The following OR4D9 variants were observed in gnomAD, a reference collection of about 807,000 sequenced individuals.
The protein encoded by OR4D9 is olfactory receptor 4D9.
Under a neutral mutation model 0.8 loss-of-function variants are expected in OR4D9, and 2 were observed. The ratio of observed to expected loss-of-function variants is 2.58; its 90% CI spans 1.06 to 8.13. The LOEUF is 8.13. OR4D9 is among the 30% of genes most tolerant of loss of function. The pLI is 0.04. For synonymous variants in OR4D9, 146 were observed against 151.2 expected, an observed-to-expected ratio of 0.97 and a Z score of 0.25; for missense variants, 399 against 384.7, an observed-to-expected ratio of 1.04 and a Z score of -0.31.
intron 1 of OR4D9, among the ~76,000 whole-genome samples, chr11:59,512,234 T>C (rs1859335853): frequency 6.6e-6 from 1 of 151,334 alleles, no homozygotes; most frequent in Non-Finnish European, 1.5e-5. Context: ...GCAGGCTCTG[T>C]CCAAGATACT....
intron 1 of OR4D9, among the ~76,000 whole-genome samples, chr11:59,513,088 T>C (rs1370030422): frequency 1.3e-5 from 2 of 152,150 alleles, no homozygotes; most frequent in African/African-American, 4.8e-5. Flanking sequence ...TGAATTTTTT[T>C]TTTTTGAGAT....
Position 59,515,297 on chromosome 11 carries a change from C to T in OR4D9, c.385C>T (p.Pro129Ser), listed in dbSNP as rs569397866. 6.8e-6 allele frequency: 11 copies of T among 1,612,656 alleles called. No homozygotes were observed. Among genetic ancestry groups the T allele is most frequent in the African/African-American group, 5.3e-5 (4 of 74,798 alleles). ...TGACCGCTATATAGCCATCTCCAAG[C>T]CCCTGCACTATATGACCATCATGAG... ...AFDRYIAISK[P>S]LHYMTIMSRG... Residue 129 changes from proline (P) to serine (S), a missense_variant, in exon 3 of 3, where the codon CCC (proline) becomes TCC (serine). Coordinates refer to ENST00000641962, the MANE Select transcript of OR4D9 (RefSeq NM_001004711.2).
In OR4D9 at chr11:59,514,974, G is replaced by A. The variant is rs765716038; in HGVS notation, c.62G>A (p.Arg21Gln). ...EFTFLGITQSRELSQVLFTFL... is the reference protein window; with the variant it reads ...EFTFLGITQSQELSQVLFTFL... ...ACCTTCCTGGGAATTACTCAGTCCC[G>A]AGAACTGAGCCAGGTCTTATTTACC... Residue 21 changes from arginine to glutamine, a missense_variant, in exon 3 of 3, where the codon CGA becomes CAA. Transcript: ENST00000641962. 1.1e-5 allele frequency: 17 copies of A among 1,613,776 alleles called. No individual in the cohort carries two copies. Among genetic ancestry groups the A allele is most frequent in the East Asian group, 4.5e-5 (2 of 44,894 alleles).
At chr11:59,513,087 T>C (rs534525916) in intron 1 of OR4D9, among the ~76,000 whole-genome samples, 1 of 152,266 alleles carries the variant, frequency 6.6e-6, no homozygotes, top group South Asian at 2.1e-4. Context: ...ATGAATTTTT[T>C]TTTTTTGAGA....
rs778777047 is a variant in OR4D9, at chr11:59,515,835, CA to C, written c.924del (p.Glu309LysfsTer4). The C allele has an allele frequency of 1.5e-5, 24 of 1,611,716 alleles. No individual in the cohort carries two copies. The highest frequency in any genetic ancestry group is 2.0e-5 in the Non-Finnish European group (24 of 1,178,292). On this transcript the variant is annotated frameshift_variant, in exon 3 of 3. Coordinates refer to ENST00000641962, the MANE Select transcript of OR4D9 (RefSeq NM_001004711.2). LOFTEE classifies it low-confidence loss of function (END_TRUNC). ...MRKLKRRLGQ[S>X]ERILIQ ...AAACTGAAGAGACGGCTAGGACAAT[CA>C]GAAAGGATTTTAATTCAATAAGGGT...
intron 1 of OR4D9, among the ~76,000 whole-genome samples, chr11:59,512,622 G>C (rs1426039566): frequency 6.6e-6 from 1 of 150,892 alleles, no homozygotes; most frequent in African/African-American, 2.4e-5. Context: ...CCAGGAGTTT[G>C]AGACCAGCCT....
intron 1 of OR4D9, among the ~76,000 whole-genome samples, chr11:59,514,373 G>A (rs1859371827): frequency 6.6e-6 from 1 of 152,258 alleles, no homozygotes; most frequent in African/African-American, 2.4e-5. Context: ...TTGGCATTTG[G>A]ATATGCCTTT....
In OR4D9 at chr11:59,520,583, A is replaced by T. The variant is rs1590639263; in HGVS notation, c.*4726A>T. ...TATGTAACTAACCTGCACATTGTGCACATGTACCCTAAAACTTAAAGTATA... is the reference window on the plus strand; with the variant it reads ...TATGTAACTAACCTGCACATTGTGCTCATGTACCCTAAAACTTAAAGTATA... On this transcript the variant is annotated 3_prime_UTR_variant, in exon 3 of 3. Coordinates refer to ENST00000641962, the MANE Select transcript of OR4D9 (RefSeq NM_001004711.2). The T allele has an allele frequency of 6.6e-6, 1 of 152,222 alleles. No individual in the cohort carries two copies. The highest frequency in any genetic ancestry group is 3.4e-3 in the Middle Eastern group (1 of 294). 9.4% of individuals were successfully genotyped at this position (152,222 alleles called of 1,614,324 possible). A position where few individuals can be genotyped will look rare whatever the true frequency, so the allele number is the denominator to read the frequency against.
Position 59,515,208 on chromosome 11 carries a change from C to G in OR4D9, c.296C>G (p.Thr99Ser), listed in dbSNP as rs767802892. The G allele has an allele frequency of 1.2e-6, 2 of 1,614,160 alleles. No individual in the cohort carries two copies. Among genetic ancestry groups the G allele is most frequent in the Non-Finnish European group, 1.7e-6 (2 of 1,180,040 alleles). The change falls in exon 3 of 3, where the codon ACT becomes AGT. Residue 99 changes from threonine (T) to serine (S), a missense_variant. Physicochemically the swap from Thr to Ser is moderately conservative, Grantham distance 58 (BLOSUM62 1). Transcript: ENST00000641962. ...ACCATCTCCTTCAGTGGCTGTGTCA[C>G]TCAAATGTTCTTCTTCCACCTTCTG... is the stretch of plus-strand genomic sequence containing the variant. ...TKTISFSGCV[T>S]QMFFFHLLGG...
rs193237288 is a variant in OR4D9 at position 59,518,690 on chromosome 11, C to G, written c.*2833C>G. The G allele has an allele frequency of 1.3e-5, 2 of 152,324 alleles. No individual in the cohort carries two copies. The highest frequency in any genetic ancestry group is 4.8e-5 in the African/African-American group (2 of 41,570). 9.4% of individuals were successfully genotyped at this position (152,324 alleles called of 1,614,324 possible). The stretch of plus-strand genomic sequence containing the variant: ...GCATGAGACACCTCACCTGAACATG[C>G]TCATGCTGTCTTATGCTCCACAGTC... On this transcript the variant is annotated 3_prime_UTR_variant, in exon 3 of 3. Transcript: ENST00000641962.
chr11:59,515,336 A>G lies in OR4D9; in HGVS notation c.424A>G (p.Thr142Ala), dbSNP rs1484416220. The G allele has an allele frequency of 9.9e-6, 16 of 1,613,838 alleles. No homozygotes were observed. Among genetic ancestry groups the G allele is most frequent in the Non-Finnish European group, 1.4e-5 (16 of 1,179,912 alleles). The change falls in exon 3 of 3, where the codon ACA (threonine) becomes GCA (alanine). Residue 142 changes from threonine (T) to alanine (A), a missense_variant. Coordinates refer to ENST00000641962, the MANE Select transcript of OR4D9 (RefSeq NM_001004711.2). ...YMTIMSRGRC[T>A]GLIVASWVGG... ...GACCATCATGAGTAGGGGGCGATGC[A>G]CAGGCCTCATCGTGGCTTCCTGGGT...
Position 59,515,504 on chromosome 11 carries a change from C to G in OR4D9, c.592C>G (p.Leu198Val). 1 of 1,614,154 alleles carries G rather than the reference C, an allele frequency of 6.2e-7. No homozygotes were observed. Among genetic ancestry groups the G allele is most frequent in the Non-Finnish European group, 8.5e-7 (1 of 1,180,024 alleles). ...CACTGACACCTTCACTCTGGAGCTC[C>G]TGATGATTTCAAATAATGGGTTAGT... ...ACTDTFTLEL[L>V]MISNNGLVSW... The change falls in exon 3 of 3, where the codon CTG (leucine) becomes GTG (valine). Residue 198 changes from leucine to valine, a missense_variant. Physicochemically the swap from Leu to Val is conservative, Grantham distance 32. Transcript: ENST00000641962.
Position 59,515,347 on chromosome 11 carries a change from C to T in OR4D9, c.435C>T (p.Ile145=), listed in dbSNP as rs1440316852. ...IMSRGRCTGL[I]VASWVGGFVH... Reference sequence around the variant, plus strand: ...GTAGGGGGCGATGCACAGGCCTCATCGTGGCTTCCTGGGTGGGGGGCTTTG... The same window carrying T: ...GTAGGGGGCGATGCACAGGCCTCATTGTGGCTTCCTGGGTGGGGGGCTTTG... Residue 145 remains isoleucine, a synonymous_variant, in exon 3 of 3, where the codon ATC becomes ATT. Transcript: ENST00000641962. 11 of 1,613,836 alleles carry T rather than the reference C, an allele frequency of 6.8e-6. No individual in the cohort carries two copies. Among genetic ancestry groups the T allele is most frequent in the East Asian group, 2.2e-5 (1 of 44,880 alleles).
rs1226242263 is a variant in OR4D9, at chr11:59,516,851, G to T, written c.*994G>T. 6.6e-6 allele frequency: 1 copy of T among 152,192 alleles called. No homozygotes were observed. 9.4% of individuals were successfully genotyped at this position (152,192 alleles called of 1,614,324 possible). ...GAGGCCAAGGCGGGTGGATCACAAGGTCAGGAGATCGAGACCATCCCGGCT... is the reference window on the plus strand; with the variant it reads ...GAGGCCAAGGCGGGTGGATCACAAGTTCAGGAGATCGAGACCATCCCGGCT... On this transcript the variant is annotated 3_prime_UTR_variant, in exon 3 of 3. Transcript: ENST00000641962.
rs1859421587 is a variant in OR4D9, at chr11:59,517,649, G to A, written c.*1792G>A. Reference sequence around the variant, plus strand: ...GATCGAGGCCAGCTTGACCAACATGGTGAAACCCCATTTCTACTAAAAATA... The same window carrying A: ...GATCGAGGCCAGCTTGACCAACATGATGAAACCCCATTTCTACTAAAAATA... On this transcript the variant is annotated 3_prime_UTR_variant, in exon 3 of 3. Transcript: ENST00000641962. 6.6e-6 allele frequency: 1 copy of A among 152,156 alleles called. No individual in the cohort carries two copies. Among genetic ancestry groups the A allele is most frequent in the African/African-American group, 2.4e-5 (1 of 41,426 alleles). The allele number at this position is 152,156 out of a possible 1,614,324, so 9.4% of individuals were successfully genotyped here.
intron 1 of OR4D9, among the ~76,000 whole-genome samples, chr11:59,513,920 A>G (rs1447331082): frequency 2.0e-5 from 3 of 152,182 alleles, no homozygotes; most frequent in Non-Finnish European, 2.9e-5. Flanking sequence ...ACAGTGAGCT[A>G]TAAGCTCACC....
Position 59,517,062 on chromosome 11 carries a change from C to G in OR4D9, c.*1205C>G, listed in dbSNP as rs1859414863. On this transcript the variant is annotated 3_prime_UTR_variant, in exon 3 of 3. Coordinates refer to ENST00000641962, the MANE Select transcript of OR4D9 (RefSeq NM_001004711.2). ...CCAGCCTGGGCAACAGAGCAAGACT[C>G]TGTCCAAAAATAATAATAATAATTA... 1 of 151,758 alleles carries G rather than the reference C, an allele frequency of 6.6e-6. No homozygotes were observed. 9.4% of individuals were successfully genotyped at this position (151,758 alleles called of 1,614,324 possible).
Position 59,518,848 on chromosome 11 carries a change from T to C in OR4D9, c.*2991T>C, listed in dbSNP as rs1859438463. On this transcript the variant is annotated 3_prime_UTR_variant, in exon 3 of 3. Coordinates refer to ENST00000641962, the MANE Select transcript of OR4D9 (RefSeq NM_001004711.2). ...TGGTGTGAACTACTTATGACCACTTTCATTGGCCAGCCCTTGGTCACATAG... is the reference window on the plus strand; with the variant it reads ...TGGTGTGAACTACTTATGACCACTTCCATTGGCCAGCCCTTGGTCACATAG... 1 of 152,184 alleles carries C rather than the reference T, an allele frequency of 6.6e-6. No homozygotes were observed. Among genetic ancestry groups the C allele is most frequent in the Non-Finnish European group, 1.5e-5 (1 of 68,032 alleles). The allele number at this position is 152,184 out of a possible 1,614,324, so 9.4% of individuals were successfully genotyped here. A position where few individuals can be genotyped will look rare whatever the true frequency, so the allele number is the denominator to read the frequency against.
chr11:59,511,793 T>C (rs752515880), intron 1 of OR4D9, 47 bp downstream of exon 1: 1 of 152,192 alleles, frequency 6.6e-6, no homozygotes. Flanking sequence ...TTGCAAAATA[T>C]AGGAAGATGG....
Sources: allele counts gnomAD v4.1 joint callset (sites outside exome capture counted in the v4.1 genomes callset), GRCh38; gene constraint gnomAD v4.1.1; transcripts MANE v1.5; gene names NCBI Gene and HGNC (gene_info 2026-07-23, HGNC 2026-07-21).